Variants in ZNF556 observed in about 807,000 individuals in gnomAD.
The protein encoded by ZNF556 is zinc finger protein 556.
ZNF556 carries 11 observed loss-of-function variants against 13.6 expected under a neutral mutation model. The ratio of observed to expected loss-of-function variants is 0.81; its 90% CI spans 0.51 to 1.33. The LOEUF (loss-of-function observed/expected upper bound fraction) is 1.33. Ranked by LOEUF, ZNF556 falls within the 40% of genes most tolerant of loss-of-function variation. The pLI, the probability that ZNF556 is intolerant of heterozygous loss-of-function variation, is 0.00. For missense variants in ZNF556, 633 were observed against 566.2 expected (o/e 1.12, Z -1.20); for synonymous variants, 229 against 207.8 (o/e 1.10, Z -0.88).
In ZNF556 at chr19:2,879,160, G is replaced by A. The variant is rs1360787413; in HGVS notation, c.*831G>A. On this transcript the variant is annotated 3_prime_UTR_variant, in exon 4 of 4. Coordinates refer to ENST00000307635, the MANE Select transcript of ZNF556 (RefSeq NM_024967.3). Reference sequence around the variant, plus strand: ...TACTTATACAGGCAAGTAATTCAGTGGCTTTATGCTATTGGTCAGAGAATC... The same window carrying A: ...TACTTATACAGGCAAGTAATTCAGTAGCTTTATGCTATTGGTCAGAGAATC... 1.3e-5 allele frequency: 2 copies of A among 152,054 alleles called. No individual in the cohort carries two copies. The highest frequency in any genetic ancestry group is 6.6e-5 in the Admixed American group (1 of 15,242). 9.4% of individuals were successfully genotyped at this position (152,054 alleles called of 1,614,324 possible).
rs371145359 is a variant in ZNF556 at position 2,869,213 on chromosome 19, A to G, written c.3+1789A>G. Among the ~76,000 whole-genome samples the G allele has an allele frequency of 3.3e-5, 5 of 152,086 alleles. No homozygotes were observed. In the South Asian group the frequency reaches 1.0e-3, roughly 32 times the overall value. ...TGCAGTATATCCTCATCCTCTCCCCAAGAGCCTGGTCCACATATTACCGCC... is the reference window on the plus strand; with the variant it reads ...TGCAGTATATCCTCATCCTCTCCCCGAGAGCCTGGTCCACATATTACCGCC... On this transcript the variant is annotated intron_variant, in intron 1 of 3. Transcript: ENST00000307635.
intron 1 of ZNF556, 90 bp downstream of exon 1, chr19:2,867,514 C>T: frequency 6.5e-7 from 1 of 1,534,196 alleles, no homozygotes; most frequent in Middle Eastern, 2.1e-4. Flanking sequence ...CCCGGGGGAG[C>T]CGCCCGGAAC....
In ZNF556 at chr19:2,881,036, T is replaced by G. The variant is rs1008118555; in HGVS notation, c.*2707T>G. ...GCACCCGCCACCACACCCGGCTAAT[T>G]TTTGTATTTTTAGTAGAGACGGGGT... On this transcript the variant is annotated 3_prime_UTR_variant, in exon 4 of 4. Coordinates refer to ENST00000307635, the MANE Select transcript of ZNF556 (RefSeq NM_024967.3). 2 of 151,350 alleles carry G rather than the reference T, an allele frequency of 1.3e-5. No individual in the cohort carries two copies. Among genetic ancestry groups the G allele is most frequent in the Non-Finnish European group, 2.9e-5 (2 of 67,932 alleles). 9.4% of individuals were successfully genotyped at this position (151,350 alleles called of 1,614,324 possible). A position where few individuals can be genotyped will look rare whatever the true frequency, so the allele number is the denominator to read the frequency against.
intron 2 of ZNF556, among the ~76,000 whole-genome samples, 166 bp from the exon 3 acceptor site, chr19:2,875,926 TG>T (rs1440295723): frequency 2.6e-5 from 4 of 152,174 alleles, no homozygotes; most frequent in African/African-American, 4.8e-5. Flanking sequence ...ATCGCGCCGC[TG>T]CACTCCAGCC....
rs937888541 is a variant in ZNF556, at chr19:2,880,222, G to T, written c.*1893G>T. 1 of 152,038 alleles carries T rather than the reference G, an allele frequency of 6.6e-6. No homozygotes were observed. The highest frequency in any genetic ancestry group is 2.4e-5 in the African/African-American group (1 of 41,396). 9.4% of individuals were successfully genotyped at this position (152,038 alleles called of 1,614,324 possible). A position where few individuals can be genotyped will look rare whatever the true frequency, so the allele number is the denominator to read the frequency against. On this transcript the variant is annotated 3_prime_UTR_variant, in exon 4 of 4. Transcript: ENST00000307635. ...AGCTGAATACAATCTCTCAGTATGT[G>T]TTCAGTTATTATGTTTGATTATGTA...
chr19:2,878,264 T>A lies in ZNF556; in HGVS notation c.1306T>A (p.Cys436Ser). 6.2e-7 allele frequency: 1 copy of A among 1,614,196 alleles called. No individual in the cohort carries two copies. Among genetic ancestry groups the A allele is most frequent in the African/African-American group, 1.3e-5 (1 of 75,056 alleles). The change falls in exon 4 of 4, where the codon TGT becomes AGT. Residue 436 changes from cysteine to serine, a missense_variant. Cys to Ser is a moderately radical substitution (Grantham distance 112, BLOSUM62 -1). Transcript: ENST00000307635. ...CGAAAAATGTGGGAAAGCTTTCAGT[T>A]GTCCCAAAGCCTTTCAAGGTCATGT... ...KCEKCGKAFS[C>S]PKAFQGHVRS...
At position 2,878,160 on chromosome 19, in the gene ZNF556, C is replaced by T; in HGVS notation, c.1202C>T (p.Ala401Val). The T allele has an allele frequency of 6.2e-7, 1 of 1,613,982 alleles. No individual in the cohort carries two copies. Among genetic ancestry groups the T allele is most frequent in the Non-Finnish European group, 8.5e-7 (1 of 1,180,010 alleles). The part of the protein sequence containing the change: ...KHTGEKPVNA[A>V]SVGKPSGGLC... ...ACTGGGGAGAAACCTGTAAATGCAG[C>T]CAGTGTGGGAAAACCTTCAGGCGGG... The change falls in exon 4 of 4, where the codon GCC becomes GTC. Residue 401 changes from alanine (A) to valine (V), a missense_variant. By Grantham distance (64) the Ala-to-Val change is moderately conservative. Transcript: ENST00000307635.
chr19:2,878,162 A>T lies in ZNF556; in HGVS notation c.1204A>T (p.Ser402Cys). 5 of 1,614,184 alleles carry T rather than the reference A, an allele frequency of 3.1e-6. No homozygotes were observed. The South Asian group carries it at 5.5e-5, about 18-fold the overall frequency. Reference protein sequence around the residue: ...HTGEKPVNAASVGKPSGGLCS... With the variant: ...HTGEKPVNAACVGKPSGGLCS... Reference sequence around the variant, plus strand: ...TGGGGAGAAACCTGTAAATGCAGCCAGTGTGGGAAAACCTTCAGGCGGGCT... The same window carrying T: ...TGGGGAGAAACCTGTAAATGCAGCCTGTGTGGGAAAACCTTCAGGCGGGCT... The change falls in exon 4 of 4, where the codon AGT (serine) becomes TGT (cysteine). Residue 402 changes from serine to cysteine, a missense_variant. By Grantham distance (112) the Ser-to-Cys change is moderately radical. Transcript: ENST00000307635.
Position 2,877,868 on chromosome 19 carries a change from C to A in ZNF556, c.910C>A (p.Arg304=). The A allele has an allele frequency of 6.2e-7, 1 of 1,614,146 alleles. No individual in the cohort carries two copies. Among genetic ancestry groups the A allele is most frequent in the South Asian group, 1.1e-5 (1 of 91,088 alleles). Residue 304 remains arginine, a synonymous_variant, in exon 4 of 4, where the codon CGA becomes AGA. Coordinates refer to ENST00000307635, the MANE Select transcript of ZNF556 (RefSeq NM_024967.3). ...KAYCWATSFQ[R]HVRIHNGEKP... Reference sequence around the variant, plus strand: ...CTACTGCTGGGCAACATCCTTTCAACGACACGTGAGAATTCACAACGGGGA... The same window carrying A: ...CTACTGCTGGGCAACATCCTTTCAAAGACACGTGAGAATTCACAACGGGGA...
rs530178997 is a variant in ZNF556, at chr19:2,870,932, G to A, written c.4-2564G>A. On this transcript the variant is annotated intron_variant, in intron 1 of 3. Transcript: ENST00000307635. ...TGTGTGCCTGTAATCCCAGCTACTC[G>A]GGAGGCTGAGGCGGGAGGATCACTT... Among the ~76,000 whole-genome samples, 21 of 151,762 alleles carry A rather than the reference G, an allele frequency of 1.4e-4. No individual in the cohort carries two copies. The South Asian group carries it at 3.5e-3, about 26-fold the overall frequency.
chr19:2,878,433 G>C lies in ZNF556; in HGVS notation c.*104G>C. On this transcript the variant is annotated 3_prime_UTR_variant, in exon 4 of 4. Coordinates refer to ENST00000307635, the MANE Select transcript of ZNF556 (RefSeq NM_024967.3). ...CGCCTGTAATCCCAGCACTTTGGGA[G>C]GCCGAGGCAGGCGGATCACGAGGTC... 1 of 1,143,914 alleles carries C rather than the reference G, an allele frequency of 8.7e-7. No individual in the cohort carries two copies. Among genetic ancestry groups the C allele is most frequent in the Non-Finnish European group, 1.2e-6 (1 of 805,928 alleles). 70.9% of individuals were successfully genotyped at this position (1,143,914 alleles called of 1,614,324 possible).
In ZNF556 at chr19:2,877,488, G is replaced by C; in HGVS notation, c.530G>C (p.Cys177Ser). 1 of 1,614,178 alleles carries C rather than the reference G, an allele frequency of 6.2e-7. No homozygotes were observed. The highest frequency in any genetic ancestry group is 8.5e-7 in the Non-Finnish European group (1 of 1,180,040). The change falls in exon 4 of 4, where the codon TGT becomes TCT. Residue 177 changes from cysteine (C) to serine (S), a missense_variant. Cys to Ser is a moderately radical substitution (Grantham distance 112). Coordinates refer to ENST00000307635, the MANE Select transcript of ZNF556 (RefSeq NM_024967.3). Reference sequence around the variant, plus strand: ...CACTCTGGACAAAAATTATATAAATGTAAGGAATGTGGGAAAGCCTTCAGT... The same window carrying C: ...CACTCTGGACAAAAATTATATAAATCTAAGGAATGTGGGAAAGCCTTCAGT... Reference protein sequence around the residue: ...RAHSGQKLYKCKECGKAFSRP... With the variant: ...RAHSGQKLYKSKECGKAFSRP...
chr19:2,877,785 TC>T lies in ZNF556; in HGVS notation c.829del (p.His277IlefsTer2). 1 of 1,608,252 alleles carries T rather than the reference TC, an allele frequency of 6.2e-7. No homozygotes were observed. Among genetic ancestry groups the T allele is most frequent in the Non-Finnish European group, 8.5e-7 (1 of 1,178,236 alleles). On this transcript the variant is annotated frameshift_variant, in exon 4 of 4. Coordinates refer to ENST00000307635, the MANE Select transcript of ZNF556 (RefSeq NM_024967.3). LOFTEE classifies it low-confidence loss of function (END_TRUNC). ...KAFRCQKSFRVHMIMHAGGRP... is the reference protein window; with the variant it reads ...KAFRCQKSFRXHMIMHAGGRP... ...TTCAGGTGTCAGAAATCCTTTCGAG[TC>T]CATATGATCATGCACGCCGGAGGGA...
In ZNF556 at chr19:2,878,728, G is replaced by A. The variant is rs969806614; in HGVS notation, c.*399G>A. 8 of 165,906 alleles carry A rather than the reference G, an allele frequency of 4.8e-5. No individual in the cohort carries two copies. The highest frequency in any genetic ancestry group is 1.1e-4 in the Admixed American group (2 of 17,484). The allele number at this position is 165,906 out of a possible 1,614,324, so 10.3% of individuals were successfully genotyped here. Reference sequence around the variant, plus strand: ...AGAATCTCATGACGTTTATAAATATGGTATTGCCTTTATCAGGACCACATC... The same window carrying A: ...AGAATCTCATGACGTTTATAAATATAGTATTGCCTTTATCAGGACCACATC... On this transcript the variant is annotated 3_prime_UTR_variant, in exon 4 of 4. Coordinates refer to ENST00000307635, the MANE Select transcript of ZNF556 (RefSeq NM_024967.3).
intron 1 of ZNF556, 98 bp downstream of exon 1, chr19:2,867,522 A>C: frequency 6.6e-7 from 1 of 1,508,648 alleles, no homozygotes; most frequent in Non-Finnish European, 9.0e-7. Context: ...AGCCGCCCGG[A>C]ACCCCCATGC....
At position 2,878,369 on chromosome 19, in the gene ZNF556, C is replaced by G; in HGVS notation, c.*40C>G. ...TGCAAATTAATTCACATACATGGTT[C>G]AGAAAATTCACAGCAGGAGGGCCGG... On this transcript the variant is annotated 3_prime_UTR_variant, in exon 4 of 4. Transcript: ENST00000307635. 1 of 1,586,738 alleles carries G rather than the reference C, an allele frequency of 6.3e-7. No individual in the cohort carries two copies. The highest frequency in any genetic ancestry group is 8.6e-7 in the Non-Finnish European group (1 of 1,166,002).
Position 2,878,312 on chromosome 19 carries a change from T to C in ZNF556, c.1354T>C (p.Ser452Pro), listed in dbSNP as rs2144894819. The change falls in exon 4 of 4, where the codon TCC (serine) becomes CCC (proline). Residue 452 changes from serine to proline, a missense_variant. Physicochemically the swap from Ser to Pro is moderately conservative, Grantham distance 74 (BLOSUM62 -1). Transcript: ENST00000307635. The part of the protein sequence containing the change: ...GHVRSHTGKK[S>P]CTSK ...TGTGAGAAGTCACACAGGAAAGAAA[T>C]CCTGTACATCTAAGTAATGGGGGAA... 1.9e-6 allele frequency: 3 copies of C among 1,613,022 alleles called. No homozygotes were observed. The East Asian group carries it at 6.7e-5, about 36-fold the overall frequency.
At position 2,876,222 on chromosome 19, in the gene ZNF556, A is replaced by G. The variant is rs762190916; in HGVS notation, c.260A>G (p.Asn87Ser). The part of the protein sequence containing the change: ...KNIWASLLGK[N>S]WEEHSVKDKH... ...ATATGGGCCTCCCTTTTAGGAAAAA[A>G]TTGGGAAGAACATAGCGTTAAAGAC... Residue 87 changes from asparagine to serine, a missense_variant, in exon 3 of 4, where the codon AAT becomes AGT. Coordinates refer to ENST00000307635, the MANE Select transcript of ZNF556 (RefSeq NM_024967.3). The G allele has an allele frequency of 1.2e-6, 2 of 1,609,780 alleles. No homozygotes were observed. The highest frequency in any genetic ancestry group is 2.2e-5 in the East Asian group (1 of 44,678).
At chr19:2,875,080 T>G (rs2087839562) in intron 2 of ZNF556, 1 of 156,644 alleles carries the variant, frequency 6.4e-6, no homozygotes, top group African/African-American at 2.4e-5. Context: ...TGATTCTGGT[T>G]TGGTTTGGTT....
Sources: gnomAD v4.1 joint callset for allele counts (sites outside exome capture counted in the v4.1 genomes callset) on GRCh38, gnomAD v4.1.1 for gene constraint, MANE v1.5 for transcripts, NCBI Gene and HGNC (gene_info 2026-07-23, HGNC 2026-07-21) for gene names.